Variants in CFAP61 observed in about 807,000 individuals in gnomAD.
The protein encoded by CFAP61 is cilia and flagella associated protein 61.
A neutral mutation model predicts 135.6 loss-of-function variants in CFAP61; 107 were observed. That is an observed-to-expected ratio of 0.79 (90% CI 0.67 to 0.93). The LOEUF (loss-of-function observed/expected upper bound fraction) is 0.93. Among genes scored for constraint, CFAP61 ranks in the 40% least tolerant of loss-of-function variants. CFAP61 has a pLI of 0.00. For missense variants in CFAP61, 1,507 were observed against 1,556.2 expected (o/e 0.97, Z 0.53); for synonymous variants, 575 against 578.5 (o/e 0.99, Z 0.09).
At chr20:20,076,022 GA>G (rs1472365098) in intron 6 of CFAP61, among the ~76,000 whole-genome samples, 1 of 152,168 alleles carries the variant, frequency 6.6e-6, no homozygotes, top group Non-Finnish European at 1.5e-5. Context: ...TTTCCAAATT[GA>G]AGGTCTCTAC....
chr20:20,152,623 G>A (rs1226439504), intron 9 of CFAP61, among the ~76,000 whole-genome samples: 1 of 152,030 alleles, frequency 6.6e-6, no homozygotes, highest in Non-Finnish European at 1.5e-5. Context: ...TAAAAAAAGT[G>A]GGACATTATA....
intron 2 of CFAP61, among the ~76,000 whole-genome samples, chr20:20,062,268 C>A (rs1004047854): frequency 9.9e-5 from 15 of 152,104 alleles, no homozygotes; most frequent in East Asian, 1.9e-4. Flanking sequence ...CAACAGATAC[C>A]CCTACTGTAC....
rs567270062 is a variant in CFAP61, at chr20:20,212,063, T to C, written c.1932+12161T>C. The stretch of plus-strand genomic sequence containing the variant: ...ATAGAATTATATATCACAAGTCTTT[T>C]GATTTGTTTGCAGACAACATCGATC... On this transcript the variant is annotated intron_variant, in intron 17 of 26. Transcript: ENST00000245957. 1.3e-4 allele frequency among the ~76,000 whole-genome samples: 20 copies of C among 152,340 alleles called. No individual in the cohort carries two copies. The East Asian group carries it at 3.1e-3, about 24-fold the overall frequency.
At chr20:20,332,170 G>A (rs937250254) in intron 25 of CFAP61, among the ~76,000 whole-genome samples, 3 of 152,212 alleles carry the variant, frequency 2.0e-5, no homozygotes, top group East Asian at 1.9e-4. Flanking sequence ...GTACCCTGAC[G>A]GCAGACATTG....
chr20:20,095,335 G>A lies in CFAP61; in HGVS notation c.700-3320G>A, dbSNP rs1288800961. On this transcript the variant is annotated intron_variant, in intron 7 of 26. Coordinates refer to ENST00000245957, the MANE Select transcript of CFAP61 (RefSeq NM_015585.4). The stretch of plus-strand genomic sequence containing the variant: ...GCTGATTAGGCATTTACAGGCACAC[G>A]TTACTTTAAGGCAACCACTGTCAAC... Among the ~76,000 whole-genome samples, 6 of 152,178 alleles carry A rather than the reference G, an allele frequency of 3.9e-5. No homozygotes were observed. In the East Asian group the frequency reaches 7.7e-4, roughly 20 times the overall value.
chr20:20,074,309 A>C lies in CFAP61; in HGVS notation c.302A>C (p.Asn101Thr), dbSNP rs2045917304. 1 of 1,614,094 alleles carries C rather than the reference A, an allele frequency of 6.2e-7. No individual in the cohort carries two copies. Among genetic ancestry groups the C allele is most frequent in the East Asian group, 2.2e-5 (1 of 44,886 alleles). The change falls in exon 4 of 27, where the codon AAT (asparagine) becomes ACT (threonine). Residue 101 changes from asparagine to threonine, a missense_variant. Physicochemically the swap from Asn to Thr is moderately conservative, Grantham distance 65 (BLOSUM62 0). Transcript: ENST00000245957. ...LDSDIPCTPL[N>T]TLFMHLFVAV... ...TTCTCTCTTCTTCTGCAGCCCCTGAATACGTTGTTCATGCACCTCTTTGTG... is the reference window on the plus strand; with the variant it reads ...TTCTCTCTTCTTCTGCAGCCCCTGACTACGTTGTTCATGCACCTCTTTGTG...
intron 20 of CFAP61, chr20:20,258,337 G>A (rs966335368): frequency 6.6e-6 from 1 of 152,072 alleles, no homozygotes; most frequent in Non-Finnish European, 1.5e-5. Context: ...AGAATATAGA[G>A]GTCATGAACT....
chr20:20,121,444 A>G (rs1385288127), intron 8 of CFAP61, among the ~76,000 whole-genome samples: 1 of 151,860 alleles, frequency 6.6e-6, no homozygotes, highest in Non-Finnish European at 1.5e-5. Flanking sequence ...GACTTCATTT[A>G]AATTCATTGT....
intron 18 of CFAP61, among the ~76,000 whole-genome samples, chr20:20,243,302 A>G (rs1427345908): frequency 6.6e-6 from 1 of 152,198 alleles, no homozygotes; most frequent in African/African-American, 2.4e-5. Flanking sequence ...ACACATGGGA[A>G]TTATGGGAGC....
intron 25 of CFAP61, among the ~76,000 whole-genome samples, chr20:20,318,346 C>A (rs2057257845): frequency 1.3e-5 from 2 of 152,184 alleles, no homozygotes; most frequent in Admixed American, 6.5e-5. Context: ...AAAAATCATT[C>A]ATTTCAAGAG....
At chr20:20,233,014 A>G (rs1274127515) in intron 18 of CFAP61, 3 of 152,236 alleles carry the variant, frequency 2.0e-5, no homozygotes, top group Non-Finnish European at 2.9e-5. Flanking sequence ...CAGCCTAGAC[A>G]CTGATCCCCT....
At position 20,164,198 on chromosome 20, in the gene CFAP61, T is replaced by A; in HGVS notation, c.1175T>A (p.Leu392Gln). The A allele has an allele frequency of 1.9e-6, 3 of 1,613,970 alleles. No individual in the cohort carries two copies. Among genetic ancestry groups the A allele is most frequent in the Non-Finnish European group, 2.5e-6 (3 of 1,179,886 alleles). ...RGASAAFCIQ[L>Q]FCIDEKYEAR... Reference sequence around the variant, plus strand: ...GCCTCAGCTGCTTTTTGTATTCAGCTGTTTTGTATTGATGAGAAATATGAA... The same window carrying A: ...GCCTCAGCTGCTTTTTGTATTCAGCAGTTTTGTATTGATGAGAAATATGAA... The change falls in exon 11 of 27, where the codon CTG becomes CAG. Residue 392 changes from leucine (L) to glutamine (Q), a missense_variant. Leu to Gln is a moderately radical substitution (Grantham distance 113). Coordinates refer to ENST00000245957, the MANE Select transcript of CFAP61 (RefSeq NM_015585.4).
At chr20:20,320,412 A>AATATATATAATATATGTAATATATATT (rs2057412706) in intron 25 of CFAP61, among the ~76,000 whole-genome samples, 4 of 82,690 alleles carry the variant, frequency 4.8e-5, no homozygotes, top group Non-Finnish European at 6.4e-5. Context: ...TAATATATGT[A>AATATATATAATATATGTAATATATATT]ATATATATTA....
intron 21 of CFAP61, among the ~76,000 whole-genome samples, chr20:20,266,500 G>C (rs1413040877): frequency 1.3e-5 from 2 of 152,164 alleles, no homozygotes; most frequent in South Asian, 4.1e-4. Flanking sequence ...TGTAAGTGAA[G>C]ACAGTTCAGG....
chr20:20,091,670 AATTATT>A (rs532352119), intron 7 of CFAP61, among the ~76,000 whole-genome samples: 3 of 151,820 alleles, frequency 2.0e-5, no homozygotes, highest in South Asian at 2.1e-4. Flanking sequence ...TGATTCCTGT[AATTATT>A]ATTATTATTA....
rs1396719885 is a variant in CFAP61, at chr20:20,279,785, T to TA, written c.2796+2327_2796+2328insA. ...ATTCTTTCTCCTACCTTCCCTGGTCTGCTTGGTCTCACAAAGAATGGCCCC... is the reference window on the plus strand; with the variant it reads ...ATTCTTTCTCCTACCTTCCCTGGTCTAGCTTGGTCTCACAAAGAATGGCCCC... On this transcript the variant is annotated intron_variant, in intron 22 of 26. Coordinates refer to ENST00000245957, the MANE Select transcript of CFAP61 (RefSeq NM_015585.4). Among the ~76,000 whole-genome samples, 4 of 152,314 alleles carry TA rather than the reference T, an allele frequency of 2.6e-5. No individual in the cohort carries two copies. The East Asian group carries it at 7.7e-4, about 29-fold the overall frequency.
At chr20:20,132,081 T>C (rs2050576253) in intron 8 of CFAP61, among the ~76,000 whole-genome samples, 1 of 152,054 alleles carries the variant, frequency 6.6e-6, no homozygotes, top group Non-Finnish European at 1.5e-5. Context: ...CTCCCCATTT[T>C]CCCCTCTTCT....
chr20:20,129,096 C>T (rs924683282), intron 8 of CFAP61, among the ~76,000 whole-genome samples: 1 of 151,582 alleles, frequency 6.6e-6, no homozygotes. Flanking sequence ...ATAGATTGCA[C>T]TCCCCAAGGA....
chr20:20,071,054 A>G (rs2045669920), intron 3 of CFAP61, 50 bp downstream of exon 3: 1 of 1,574,182 alleles, frequency 6.4e-7, no homozygotes, highest in Non-Finnish European at 8.7e-7. Context: ...TCTTGAGGGG[A>G]AGTCCTGTGT....
Sources: gnomAD v4.1 joint callset for allele counts (sites outside exome capture counted in the v4.1 genomes callset) on GRCh38, gnomAD v4.1.1 for gene constraint, MANE v1.5 for transcripts, NCBI Gene and HGNC (gene_info 2026-07-23, HGNC 2026-07-21) for gene names.